PYM1: variants seen among roughly 807,000 people sequenced by gnomAD.
PYM1 encodes partner of Y14 and mago.
Under a neutral mutation model 20.7 loss-of-function variants are expected in PYM1, and 7 were observed. That is an observed-to-expected ratio of 0.34 (90% CI 0.19 to 0.64). The LOEUF (loss-of-function observed/expected upper bound fraction) is 0.64. Among genes scored for constraint, PYM1 ranks in the 30% least tolerant of loss-of-function variants. PYM1 has a pLI of 0.74. For synonymous variants in PYM1, 100 were observed against 99.2 expected (o/e 1.01, Z -0.05); for missense variants, 194 against 250.0 (o/e 0.78, Z 1.51).
chr12:55,918,396 AACC>A (rs890994504), intron 1 of PYM1, among the ~76,000 whole-genome samples: 1 of 151,430 alleles, frequency 6.6e-6, no homozygotes, highest in African/African-American at 2.4e-5. Context: ...CACTGCGCCC[AACC>A]ACAAACCTGC....
intron 1 of PYM1, among the ~76,000 whole-genome samples, chr12:55,923,588 T>C (rs1883137419): frequency 6.8e-6 from 1 of 148,116 alleles, no homozygotes; most frequent in Non-Finnish European, 1.5e-5. Flanking sequence ...ACAAAACTAA[T>C]GAAATGATGT....
rs182658657 is a variant in PYM1, at chr12:55,910,314, T to G, written c.38-6834A>C. 7.4e-4 allele frequency among the ~76,000 whole-genome samples: 112 copies of G among 151,444 alleles called. 5 individuals are homozygous for G. Among genetic ancestry groups the G allele is most frequent in the Admixed American group, 7.1e-3 (107 of 15,148 alleles). On this transcript the variant is annotated intron_variant, in intron 1 of 2. Transcript: ENST00000408946. ...AATTTTTTTTGAGACGGAATCTCAC[T>G]CTGTCTCTCAGGCTGGAGTGCAGTA...
intron 1 of PYM1, among the ~76,000 whole-genome samples, chr12:55,922,083 T>C (rs149449726): frequency 2.2e-3 from 328 of 152,084 alleles, no homozygotes; most frequent in Non-Finnish European, 3.5e-3. Context: ...TCTTGCTATG[T>C]TGCTTAGGAT....
intron 1 of PYM1, chr12:55,927,333 G>C: frequency 1.3e-6 from 1 of 760,498 alleles, no homozygotes; most frequent in Non-Finnish European, 2.3e-6. Context: ...CTGAGCGCTT[G>C]CTGCCTGTAA....
chr12:55,915,609 T>C (rs1422743987), intron 1 of PYM1, among the ~76,000 whole-genome samples: 1 of 133,870 alleles, frequency 7.5e-6, no homozygotes, highest in Non-Finnish European at 1.6e-5. Context: ...TAAGTGCCAA[T>C]AGGGTTATCA....
intron 1 of PYM1, among the ~76,000 whole-genome samples, chr12:55,912,309 G>A (rs773291354): frequency 6.6e-6 from 1 of 152,176 alleles, no homozygotes; most frequent in Middle Eastern, 3.4e-3. Flanking sequence ...CCGAGATCAC[G>A]CCACTGCACT....
chr12:55,905,828 C>CACCTAAGTGTTTGAATTT (rs1882789325), intron 1 of PYM1, among the ~76,000 whole-genome samples: 2 of 92,668 alleles, frequency 2.2e-5, no homozygotes, highest in African/African-American at 4.3e-5. Context: ...TTCTAATTTT[C>CACCTAAGTGTTTGAATTT]TATATATATT....
Position 55,910,565 on chromosome 12 carries a change from C to T in PYM1, c.38-7085G>A, listed in dbSNP as rs1406599398. ...TCAAGTGATTCTCTTGCCTCAGTCTCCCGAGTACCTGGGACTACAGGAGCC... is the reference window on the plus strand; with the variant it reads ...TCAAGTGATTCTCTTGCCTCAGTCTTCCGAGTACCTGGGACTACAGGAGCC... On this transcript the variant is annotated intron_variant, in intron 1 of 2. Transcript: ENST00000408946. Among the ~76,000 whole-genome samples, 11 of 152,190 alleles carry T rather than the reference C, an allele frequency of 7.2e-5. No homozygotes were observed. In the East Asian group the frequency reaches 1.7e-3, roughly 24 times the overall value.
In PYM1 at chr12:55,907,081, TAA is replaced by T. The variant is rs758282940; in HGVS notation, c.38-3603_38-3602del. Among the ~76,000 whole-genome samples the T allele has an allele frequency of 9.7e-5, 11 of 113,548 alleles. No homozygotes were observed. The South Asian group carries it at 1.7e-3, about 17-fold the overall frequency. 74.5% of individuals were successfully genotyped at this position (113,548 alleles called of 152,430 possible). ...ATATCAAACATATATATATATATGT[TAA>T]GAGAGAAAGTTAACATATATATATA... On this transcript the variant is annotated intron_variant, in intron 1 of 2. Transcript: ENST00000408946.
chr12:55,913,498 A>C (rs1327562902), intron 1 of PYM1, among the ~76,000 whole-genome samples: 1 of 152,232 alleles, frequency 6.6e-6, no homozygotes, highest in Non-Finnish European at 1.5e-5. Flanking sequence ...CTGATGGCCA[A>C]TAAGGGAGTA....
intron 1 of PYM1, among the ~76,000 whole-genome samples, chr12:55,907,126 G>T (rs1189537727): frequency 2.0e-5 from 3 of 150,720 alleles, no homozygotes; most frequent in Admixed American, 6.6e-5. Flanking sequence ...ATGTTTTGTT[G>T]TAGCTCTCTT....
At chr12:55,920,071 C>T (rs185154616) in intron 1 of PYM1, among the ~76,000 whole-genome samples, 16 of 152,108 alleles carry the variant, frequency 1.1e-4, no homozygotes, top group African/African-American at 3.6e-4. Flanking sequence ...GTGGCGCATG[C>T]CTGTAGTACT....
At chr12:55,924,221 G>A (rs911429306) in intron 1 of PYM1, among the ~76,000 whole-genome samples, 5 of 152,138 alleles carry the variant, frequency 3.3e-5, no homozygotes, top group Non-Finnish European at 5.9e-5. Context: ...CAAGAGTGAA[G>A]ATATTCACGA....
intron 1 of PYM1, among the ~76,000 whole-genome samples, chr12:55,905,740 T>TA (rs1565714302): frequency 1.5e-4 from 15 of 101,796 alleles, no homozygotes; most frequent in African/African-American, 4.6e-4. Context: ...ATATATATAT[T>TA]TTATAGAATT....
At chr12:55,912,451 G>A (rs1882940194) in intron 1 of PYM1, among the ~76,000 whole-genome samples, 1 of 152,170 alleles carries the variant, frequency 6.6e-6, no homozygotes, top group South Asian at 2.1e-4. Flanking sequence ...AGGCGTGGTG[G>A]CTCACGCCTG....
At chr12:55,924,209 T>A (rs1178827874) in intron 1 of PYM1, among the ~76,000 whole-genome samples, 1 of 152,058 alleles carries the variant, frequency 6.6e-6, no homozygotes, top group East Asian at 1.9e-4. Context: ...TAACAGTATA[T>A]CCAAGAGTGA....
chr12:55,902,622 C>T (rs1220801601), intron 2 of PYM1, among the ~76,000 whole-genome samples: 3 of 151,750 alleles, frequency 2.0e-5, no homozygotes, highest in African/African-American at 4.8e-5. Flanking sequence ...GGATTACAGG[C>T]GCCTGCCACC....
intron 1 of PYM1, among the ~76,000 whole-genome samples, chr12:55,925,870 A>G (rs1883178864): frequency 1.3e-5 from 2 of 152,224 alleles, no homozygotes; most frequent in Admixed American, 6.5e-5. Flanking sequence ...TTTTCAAAAC[A>G]CACATTAAAA....
At chr12:55,914,175 A>G (rs1255976543) in intron 1 of PYM1, 4 of 641,352 alleles carry the variant, frequency 6.2e-6, no homozygotes, top group Non-Finnish European at 1.1e-5. Context: ...TAGGAGGACT[A>G]AAGATAGACT....
Sources: gnomAD v4.1 joint callset for allele counts (sites outside exome capture counted in the v4.1 genomes callset) on GRCh38, gnomAD v4.1.1 for gene constraint, MANE v1.5 for transcripts, NCBI Gene and HGNC (gene_info 2026-07-23, HGNC 2026-07-21) for gene names.